SORCS3: variants seen among roughly 807,000 people sequenced by gnomAD.
SORCS3 encodes the protein VPS10 domain-containing receptor SorCS3.
A neutral mutation model predicts 146.3 loss-of-function variants in SORCS3; 57 were observed. The ratio of observed to expected loss-of-function variants is 0.39; its 90% confidence interval spans 0.31 to 0.49. The LOEUF is 0.49. Ranked by LOEUF, SORCS3 falls within the 20% of genes least tolerant of loss-of-function variation. SORCS3 has a pLI of 0.92. For missense variants in SORCS3, 1,341 were observed against 1,575.5 expected, an observed-to-expected ratio of 0.85 and a Z score of 2.52; for synonymous variants, 653 against 618.5, an observed-to-expected ratio of 1.06 and a Z score of -0.83.
intron 2 of SORCS3, 61 bp downstream of exon 2, chr10:104,842,920 C>A: frequency 7.5e-7 from 1 of 1,331,390 alleles, no homozygotes; most frequent in East Asian, 2.3e-5. Flanking sequence ...GAAACGCAAG[C>A]TAAGCAGTTG....
At chr10:105,076,179 C>CA (rs1191176486) in intron 5 of SORCS3, among the ~76,000 whole-genome samples, 10 of 152,152 alleles carry the variant, frequency 6.6e-5, no homozygotes, top group Non-Finnish European at 1.5e-5. Flanking sequence ...GAGAGGTTAA[C>CA]TATAACTTGC....
chr10:105,014,082 T>TATACAC (rs368094008), intron 4 of SORCS3, among the ~76,000 whole-genome samples: 1 of 125,986 alleles, frequency 7.9e-6, no homozygotes, highest in Non-Finnish European at 1.6e-5. Context: ...TATATATATA[T>TATACAC]ACACACATAT....
At chr10:105,034,493 G>T (rs1202030924) in intron 4 of SORCS3, among the ~76,000 whole-genome samples, 1 of 152,148 alleles carries the variant, frequency 6.6e-6, no homozygotes, top group Non-Finnish European at 1.5e-5. Flanking sequence ...GTAAACATCA[G>T]TGTTAGTATA....
At chr10:104,673,350 C>A (rs1197582606) in intron 1 of SORCS3, among the ~76,000 whole-genome samples, 3 of 151,748 alleles carry the variant, frequency 2.0e-5, no homozygotes, top group Non-Finnish European at 4.4e-5. Context: ...TCCTGCATTA[C>A]TATTTTCTTT....
At chr10:104,927,792 C>T (rs1253700344) in intron 3 of SORCS3, among the ~76,000 whole-genome samples, 5 of 151,712 alleles carry the variant, frequency 3.3e-5, no homozygotes, top group African/African-American at 9.7e-5. Flanking sequence ...GCAGGAGAAT[C>T]GCTTGAACCC....
chr10:105,114,192 GC>G (rs559323438), intron 7 of SORCS3, among the ~76,000 whole-genome samples: 178 of 152,212 alleles, frequency 1.2e-3, no homozygotes, highest in Non-Finnish European at 1.9e-3. Context: ...GTGAAACCCT[GC>G]CCTATACTCT....
At chr10:105,015,095 A>G (rs1329431768) in intron 4 of SORCS3, among the ~76,000 whole-genome samples, 1 of 152,228 alleles carries the variant, frequency 6.6e-6, no homozygotes, top group African/African-American at 2.4e-5. Context: ...TTTATTACCC[A>G]CAAGACTTGC....
chr10:104,944,346 A>C lies in SORCS3; in HGVS notation c.795+28414A>C, dbSNP rs75327078. On this transcript the variant is annotated intron_variant, in intron 3 of 26. Transcript: ENST00000369701. ...TAGGCTTCTAAAAAATTTTGACTAT[A>C]GAAGAAAAGATTGATATGTTGGACT... Among the ~76,000 whole-genome samples, 21 of 152,326 alleles carry C rather than the reference A, an allele frequency of 1.4e-4. No individual in the cohort carries two copies. In the East Asian group the frequency reaches 4.0e-3, roughly 29 times the overall value.
rs768282540 is a variant in SORCS3 at position 105,263,297 on chromosome 10, C to T, written c.3605-13C>T. 1.2e-6 allele frequency: 2 copies of T among 1,613,770 alleles called. No homozygotes were observed. The highest frequency in any genetic ancestry group is 2.2e-5 in the East Asian group (1 of 44,866). ...TCACATCCATTTCTCCCTGTGTCTT[C>T]TCTTCTCTGCAGGAGGCATTGCCAC... On this transcript the variant is annotated splice_polypyrimidine_tract_variant and intron_variant, in intron 26 of 26. Transcript: ENST00000369701.
chr10:104,735,608 C>T (rs974495105), intron 1 of SORCS3, among the ~76,000 whole-genome samples: 2 of 151,848 alleles, frequency 1.3e-5, no homozygotes, highest in Non-Finnish European at 2.9e-5. Flanking sequence ...CCCTTGGCTC[C>T]CTTCCTGGCG....
chr10:104,828,912 G>A (rs1239038554), intron 1 of SORCS3, among the ~76,000 whole-genome samples: 1 of 152,060 alleles, frequency 6.6e-6, no homozygotes, highest in Non-Finnish European at 1.5e-5. Context: ...GGAGAGGCTT[G>A]GCAGACTAAC....
chr10:104,783,427 C>A (rs2017397031), intron 1 of SORCS3, among the ~76,000 whole-genome samples: 1 of 152,162 alleles, frequency 6.6e-6, no homozygotes, highest in Non-Finnish European at 1.5e-5. Context: ...AAAGTCTAAA[C>A]CTCTTCTCAA....
chr10:105,119,968 A>G (rs1197040144), intron 7 of SORCS3, among the ~76,000 whole-genome samples: 2 of 152,120 alleles, frequency 1.3e-5, no homozygotes, highest in Non-Finnish European at 1.5e-5. Flanking sequence ...TTGAAATGTG[A>G]GGACATGAGA....
At chr10:104,915,677 C>G (rs2019019267) in intron 2 of SORCS3, among the ~76,000 whole-genome samples, 156 bp from the exon 3 acceptor site, 2 of 152,170 alleles carry the variant, frequency 1.3e-5, no homozygotes, top group African/African-American at 2.4e-5. Flanking sequence ...AGTCTAATTG[C>G]TCTTCTAAAA....
chr10:105,002,775 C>G (rs1008743193), intron 4 of SORCS3, among the ~76,000 whole-genome samples: 4 of 152,206 alleles, frequency 2.6e-5, no homozygotes, highest in Non-Finnish European at 5.9e-5. Flanking sequence ...GAACCTGGCT[C>G]TGTTCCTTAG....
intron 4 of SORCS3, among the ~76,000 whole-genome samples, chr10:105,031,031 ATGCCTGTAATCC>A (rs2055262917): frequency 6.6e-6 from 1 of 151,264 alleles, no homozygotes. Context: ...GTAGTGGCTC[ATGCCTGTAATCC>A]CAGCACTTTG....
At chr10:104,931,601 T>C (rs1433150935) in intron 3 of SORCS3, among the ~76,000 whole-genome samples, 1 of 152,174 alleles carries the variant, frequency 6.6e-6, no homozygotes, top group Non-Finnish European at 1.5e-5. Flanking sequence ...TCTGTTGATA[T>C]GCAAAGGCTG....
At chr10:104,870,484 G>A (rs970186525) in intron 2 of SORCS3, among the ~76,000 whole-genome samples, 1 of 151,930 alleles carries the variant, frequency 6.6e-6, no homozygotes, top group African/African-American at 2.4e-5. Flanking sequence ...TTCAAAAAAA[G>A]GTAACACCTA....
At chr10:105,228,674 A>G (rs970379224) in intron 20 of SORCS3, among the ~76,000 whole-genome samples, 1 of 152,024 alleles carries the variant, frequency 6.6e-6, no homozygotes, top group Non-Finnish European at 1.5e-5. Flanking sequence ...ATGTCATCCT[A>G]TTCTCTCCTG....
Sources: allele counts gnomAD v4.1 joint callset (sites outside exome capture counted in the v4.1 genomes callset), GRCh38; gene constraint gnomAD v4.1.1; transcripts MANE v1.5; gene names NCBI Gene and HGNC (gene_info 2026-07-23, HGNC 2026-07-21).